Variants in CLYBL observed in about 807,000 individuals in gnomAD.
CLYBL encodes citramalyl-CoA lyase.
In CLYBL, 31 loss-of-function variants were observed where a neutral mutation model predicts 38.9. The observed-to-expected ratio is 0.80, with a 90% CI of 0.60 to 1.08. The LOEUF (loss-of-function observed/expected upper bound fraction) is 1.08. Among genes scored for constraint, CLYBL ranks in the 50% least tolerant of loss-of-function variants. The pLI is 0.00. For missense variants in CLYBL, 434 were observed against 411.6 expected (o/e 1.05, Z -0.47); for synonymous variants, 171 against 158.6 (o/e 1.08, Z -0.59).
At chr13:99,720,723 G>A (rs1455916813) in intron 1 of CLYBL, among the ~76,000 whole-genome samples, 13 of 152,266 alleles carry the variant, frequency 8.5e-5, no homozygotes, top group Non-Finnish European at 1.5e-4. Flanking sequence ...GTAACATTCT[G>A]CTGTGAAGAA....
intron 1 of CLYBL, chr13:99,726,395 T>C (rs138851557): frequency 2.0e-5 from 3 of 152,360 alleles, no homozygotes; most frequent in African/African-American, 7.2e-5. Context: ...CAGGTTTAAC[T>C]CTCCATGGGG....
chr13:99,867,119 A>G (rs1478297531), intron 6 of CLYBL, among the ~76,000 whole-genome samples: 1 of 152,210 alleles, frequency 6.6e-6, no homozygotes, highest in East Asian at 1.9e-4. Flanking sequence ...AGGAGTCTAC[A>G]CACAAACATA....
chr13:99,640,405 C>T (rs922581143), intron 1 of CLYBL, among the ~76,000 whole-genome samples: 5 of 152,062 alleles, frequency 3.3e-5, no homozygotes, highest in African/African-American at 7.2e-5. Context: ...ATCAGATATC[C>T]TTTTGTGTTT....
chr13:99,800,427 C>G (rs2050108952), intron 2 of CLYBL, among the ~76,000 whole-genome samples: 1 of 152,124 alleles, frequency 6.6e-6, no homozygotes, highest in East Asian at 1.9e-4. Flanking sequence ...CAAATGGAGC[C>G]AGAAATGAAG....
intron 1 of CLYBL, among the ~76,000 whole-genome samples, chr13:99,622,717 C>G (rs917323485): frequency 3.3e-5 from 5 of 152,216 alleles, no homozygotes; most frequent in Non-Finnish European, 7.3e-5. Context: ...TCTCCTCAAC[C>G]CCTGGCAACC....
At chr13:99,614,772 AGG>A (rs899277022) in intron 1 of CLYBL, among the ~76,000 whole-genome samples, 5 of 118,814 alleles carry the variant, frequency 4.2e-5, no homozygotes, top group African/African-American at 1.4e-4. Flanking sequence ...CCAAGGAGTC[AGG>A]GGGGGAGGCC....
intron 2 of CLYBL, among the ~76,000 whole-genome samples, chr13:99,792,629 A>G (rs2138896903): frequency 6.6e-6 from 1 of 151,722 alleles, no homozygotes; most frequent in Admixed American, 6.6e-5. Flanking sequence ...TGCTCTTTGA[A>G]TGCTTCTCCT....
At chr13:99,638,528 G>C (rs2047054045) in intron 1 of CLYBL, among the ~76,000 whole-genome samples, 1 of 152,190 alleles carries the variant, frequency 6.6e-6, no homozygotes, top group African/African-American at 2.4e-5. Flanking sequence ...GGATTTCGCA[G>C]TGATCAGAAC....
chr13:99,646,413 C>T (rs901386625), intron 1 of CLYBL, among the ~76,000 whole-genome samples: 4 of 151,966 alleles, frequency 2.6e-5, no homozygotes, highest in Non-Finnish European at 4.4e-5. Context: ...AATGTCTGTG[C>T]TCCTCACCAG....
At chr13:99,752,312 A>G (rs146444475) in intron 1 of CLYBL, among the ~76,000 whole-genome samples, 242 of 152,106 alleles carry the variant, frequency 1.6e-3, no homozygotes, top group African/African-American at 5.5e-3. Flanking sequence ...CTTGGAGTCC[A>G]TTCTTTCATT....
At chr13:99,617,372 T>G (rs9582329) in intron 1 of CLYBL, among the ~76,000 whole-genome samples, 4,268 of 152,292 alleles carry the variant, frequency 0.028, 199 homozygotes, top group African/African-American at 0.097. Flanking sequence ...ACACATATAC[T>G]TTGTACCACT....
chr13:99,780,753 G>T (rs368655949), intron 2 of CLYBL, among the ~76,000 whole-genome samples: 77 of 120,518 alleles, frequency 6.4e-4, no homozygotes, highest in African/African-American at 2.4e-3. Flanking sequence ...TCACTATGTT[G>T]CACAGGCTGT....
intron 7 of CLYBL, among the ~76,000 whole-genome samples, chr13:99,881,120 GCTTC>G (rs2052196190): frequency 6.6e-6 from 1 of 152,158 alleles, no homozygotes; most frequent in South Asian, 2.1e-4. Flanking sequence ...TATTTAAAGG[GCTTC>G]TCCATCAAAG....
intron 1 of CLYBL, among the ~76,000 whole-genome samples, chr13:99,619,207 G>T (rs180926103): frequency 7.0e-4 from 106 of 152,288 alleles, no homozygotes; most frequent in Middle Eastern, 3.4e-3. Flanking sequence ...AGTCATGAGG[G>T]CTGTGCCTCA....
chr13:99,768,147 A>C (rs2049305027), intron 1 of CLYBL, among the ~76,000 whole-genome samples: 2 of 151,244 alleles, frequency 1.3e-5, no homozygotes, highest in South Asian at 2.1e-4. Context: ...AGGAAAATAT[A>C]AGCCTGAGGT....
intron 7 of CLYBL, among the ~76,000 whole-genome samples, chr13:99,884,449 A>C (rs11619740): frequency 0.057 from 8,650 of 151,922 alleles, 339 homozygotes; most frequent in South Asian, 0.12. Context: ...CACCCTTCAC[A>C]TGTCAGTTTA....
intron 2 of CLYBL, among the ~76,000 whole-genome samples, chr13:99,773,551 C>G (rs1039995009): frequency 6.6e-6 from 1 of 152,148 alleles, no homozygotes; most frequent in Non-Finnish European, 1.5e-5. Context: ...TAACTAATGC[C>G]TGATGATCTG....
At chr13:99,759,965 A>G (rs994753613) in intron 1 of CLYBL, among the ~76,000 whole-genome samples, 1 of 152,222 alleles carries the variant, frequency 6.6e-6, no homozygotes, top group African/African-American at 2.4e-5. Context: ...GCTTAAGTCA[A>G]TTATAAAAGG....
chr13:99,838,355 G>A (rs1036054876), intron 2 of CLYBL, among the ~76,000 whole-genome samples: 2 of 152,154 alleles, frequency 1.3e-5, no homozygotes, highest in African/African-American at 2.4e-5. Flanking sequence ...GGGTTCTTTC[G>A]AGATAACTGA....
Sources: allele counts gnomAD v4.1 joint callset (sites outside exome capture counted in the v4.1 genomes callset), GRCh38; gene constraint gnomAD v4.1.1; transcripts MANE v1.5; gene names NCBI Gene and HGNC (gene_info 2026-07-23, HGNC 2026-07-21).